IL6R: variants seen among roughly 807,000 people sequenced by gnomAD.
The protein encoded by IL6R is interleukin-6 receptor subunit alpha.
A neutral mutation model predicts 48.3 loss-of-function variants in IL6R; 38 were observed. The ratio of observed to expected loss-of-function variants is 0.79; its 90% CI spans 0.61 to 1.03. The LOEUF is 1.03. IL6R is among the 50% of genes least tolerant of loss of function. IL6R has a pLI of 0.00. For missense variants in IL6R, 534 were observed against 618.3 expected (o/e 0.86, Z 1.45); for synonymous variants, 264 against 256.2 (o/e 1.03, Z -0.29).
At chr1:154,410,671 G>A (rs571212888) in intron 1 of IL6R, among the ~76,000 whole-genome samples, 4 of 152,170 alleles carry the variant, frequency 2.6e-5, no homozygotes, top group African/African-American at 7.2e-5. Flanking sequence ...CAGGCTTGAC[G>A]TTAGCTGGAC....
chr1:154,405,707 T>G lies in IL6R; in HGVS notation c.78T>G (p.Pro26=). 1 of 1,515,472 alleles carries G rather than the reference T, an allele frequency of 6.6e-7. No homozygotes were observed. The highest frequency in any genetic ancestry group is 8.8e-7 in the Non-Finnish European group (1 of 1,139,266). The allele number at this position is 1,515,472 out of a possible 1,614,324, so 93.9% of individuals were successfully genotyped here. The change falls in exon 1 of 10, where the codon CCT becomes CCG. Residue 26 remains proline (P), a synonymous_variant. Coordinates refer to ENST00000368485, the MANE Select transcript of IL6R (RefSeq NM_000565.4). The surrounding 1 kb of genome is among the most constrained non-coding windows in gnomAD (Gnocchi z 5.2). The part of the protein sequence containing the change: ...PGAALAPRRC[P]AQEVARGVLT... ...CGGCGCTGGCCCCAAGGCGCTGCCC[T>G]GCGCAGGGTAAGGGCTTCGGGCGCA...
At chr1:154,430,939 C>G (rs1689261759) in intron 3 of IL6R, among the ~76,000 whole-genome samples, 1 of 152,208 alleles carries the variant, frequency 6.6e-6, no homozygotes, top group Non-Finnish European at 1.5e-5. Flanking sequence ...GTAAGTGGCT[C>G]TGCTGGGAAT....
chr1:154,414,395 T>C (rs935624121), intron 1 of IL6R: 59 of 1,421,058 alleles, frequency 4.2e-5, no homozygotes, highest in Non-Finnish European at 5.8e-5. Context: ...CCGGGCATAC[T>C]CGGTGACCTG....
chr1:154,467,140 A>C lies in IL6R; in HGVS notation c.*1760A>C, dbSNP rs1292963158. Reference sequence around the variant, plus strand: ...ATCAAAGAGGTTTTAAAAAAATCCCATTTAAAAAAAATCCCTTACCTCGGT... The same window carrying C: ...ATCAAAGAGGTTTTAAAAAAATCCCCTTTAAAAAAAATCCCTTACCTCGGT... On this transcript the variant is annotated 3_prime_UTR_variant, in exon 10 of 10. Coordinates refer to ENST00000368485, the MANE Select transcript of IL6R (RefSeq NM_000565.4). The C allele has an allele frequency of 6.6e-6, 1 of 152,150 alleles. No individual in the cohort carries two copies. The highest frequency in any genetic ancestry group is 1.5e-5 in the Non-Finnish European group (1 of 68,016). The allele number at this position is 152,150 out of a possible 1,614,324, so 9.4% of individuals were successfully genotyped here. A position where few individuals can be genotyped will look rare whatever the true frequency, so the allele number is the denominator to read the frequency against.
intron 1 of IL6R, among the ~76,000 whole-genome samples, chr1:154,422,720 A>C (rs1054445424): frequency 2.0e-5 from 3 of 152,288 alleles, no homozygotes; most frequent in Non-Finnish European, 2.9e-5. Context: ...CAGTGTGTGC[A>C]CCAGCCACGC....
intron 6 of IL6R, among the ~76,000 whole-genome samples, chr1:154,441,610 A>G (rs4453032): frequency 0.33 from 49,556 of 152,056 alleles, 9,361 homozygotes; most frequent in Admixed American, 0.5. Context: ...CTGAAAAATA[A>G]GGGGAAGGTT....
At chr1:154,440,655 C>CTTTTTTTTTTTTTTTTTT (rs35390021) in intron 6 of IL6R, among the ~76,000 whole-genome samples, 1 of 134,976 alleles carries the variant, frequency 7.4e-6, no homozygotes, top group African/African-American at 2.7e-5. Context: ...TGATTAATGT[C>CTTTTTTTTTTTTTTTTTT]TTTTTTTTTT....
intron 6 of IL6R, among the ~76,000 whole-genome samples, chr1:154,441,415 C>T (rs906722476): frequency 3.3e-5 from 5 of 152,112 alleles, no homozygotes; most frequent in Non-Finnish European, 7.3e-5. Context: ...ATGTAAGGAG[C>T]GGAAGACTTT....
intron 9 of IL6R, among the ~76,000 whole-genome samples, chr1:154,459,665 G>C (rs1691129934): frequency 6.6e-6 from 1 of 151,948 alleles, no homozygotes; most frequent in East Asian, 1.9e-4. Context: ...CTGAATCATA[G>C]ATGATTTTTT....
At chr1:154,411,108 G>GAGTGC (rs1687993361) in intron 1 of IL6R, among the ~76,000 whole-genome samples, 2 of 152,162 alleles carry the variant, frequency 1.3e-5, no homozygotes, top group Non-Finnish European at 2.9e-5. Flanking sequence ...TCCCAGGCTG[G>GAGTGC]AGTGCAGTGG....
At chr1:154,452,371 C>T (rs753227014) in intron 8 of IL6R, among the ~76,000 whole-genome samples, 3 of 152,166 alleles carry the variant, frequency 2.0e-5, no homozygotes, top group Non-Finnish European at 4.4e-5. Flanking sequence ...AGCCACACTG[C>T]CCTCCTTGCT....
intron 9 of IL6R, among the ~76,000 whole-genome samples, chr1:154,457,551 A>G (rs1031904393): frequency 6.6e-6 from 1 of 152,090 alleles, no homozygotes; most frequent in Non-Finnish European, 1.5e-5. Context: ...CTGTCTCATC[A>G]TGCCCATTTC....
intron 1 of IL6R, chr1:154,418,511 G>A: frequency 4.9e-6 from 3 of 616,622 alleles, no homozygotes; most frequent in Non-Finnish European, 4.1e-6. Flanking sequence ...GCAGGGGCCT[G>A]CCAGCCAAAG....
intron 9 of IL6R, among the ~76,000 whole-genome samples, chr1:154,460,607 G>A (rs1398482671): frequency 6.6e-6 from 1 of 152,202 alleles, no homozygotes; most frequent in East Asian, 1.9e-4. Context: ...TTTTCAAAAT[G>A]TAAATGTGAT....
rs892794026 is a variant in IL6R, at chr1:154,420,943, C to T, written c.86-8253C>T. Among the ~76,000 whole-genome samples, 7 of 152,344 alleles carry T rather than the reference C, an allele frequency of 4.6e-5. No homozygotes were observed. In the South Asian group the frequency reaches 6.2e-4, roughly 14 times the overall value. On this transcript the variant is annotated intron_variant, in intron 1 of 9. Coordinates refer to ENST00000368485, the MANE Select transcript of IL6R (RefSeq NM_000565.4). ...ATTAAACTGACCAGACCAGACCAGA[C>T]ACCAACACTGACTGTTGAGGAGGAG... is the stretch of plus-strand genomic sequence containing the variant.
intron 3 of IL6R, 26 bp downstream of exon 3, chr1:154,430,632 G>T (rs1252983845): frequency 2.5e-6 from 4 of 1,613,958 alleles, no homozygotes; most frequent in Non-Finnish European, 3.4e-6. Flanking sequence ...TGAGCTATGT[G>T]CATGTTGGCT....
chr1:154,419,282 G>T (rs1688519982), intron 1 of IL6R, among the ~76,000 whole-genome samples: 1 of 152,150 alleles, frequency 6.6e-6, no homozygotes, highest in African/African-American at 2.4e-5. Flanking sequence ...GATTGTTATG[G>T]TTATTATCAC....
chr1:154,457,990 G>A (rs1440035116), intron 9 of IL6R, among the ~76,000 whole-genome samples: 6 of 139,880 alleles, frequency 4.3e-5, no homozygotes, highest in South Asian at 2.2e-4. Context: ...TTTTTGAGAC[G>A]GAGTCTCGCT....
chr1:154,425,200 C>A (rs1048597662), intron 1 of IL6R, among the ~76,000 whole-genome samples: 2 of 152,136 alleles, frequency 1.3e-5, no homozygotes, highest in African/African-American at 4.8e-5. Context: ...CTACTTCTTT[C>A]TTTGGAGGCA....
Sources: allele counts gnomAD v4.1 joint callset (sites outside exome capture counted in the v4.1 genomes callset), GRCh38; gene constraint gnomAD v4.1.1; non-coding constraint Gnocchi (gnomAD v3.1); transcripts MANE v1.5; gene names NCBI Gene and HGNC (gene_info 2026-07-23, HGNC 2026-07-21).